The following RIN2 variants were observed in gnomAD, a reference collection of about 807,000 sequenced individuals.
RIN2 encodes RAB5 interacting protein 2.
RIN2 carries 36 observed loss-of-function variants against 78.0 expected under a neutral mutation model. That is an observed-to-expected ratio of 0.46 (90% CI 0.35 to 0.61). RIN2 has a LOEUF of 0.61. RIN2 is among the 20% of genes least tolerant of loss of function. RIN2 has a pLI of 0.00. For missense variants in RIN2, 1,087 were observed against 1,159.7 expected, an observed-to-expected ratio of 0.94 and a Z score of 0.91; for synonymous variants, 466 against 466.8, an observed-to-expected ratio of 1.00 and a Z score of 0.02.
intron 2 of RIN2, among the ~76,000 whole-genome samples, chr20:19,875,697 A>T (rs1165108019): frequency 6.6e-6 from 1 of 152,098 alleles, no homozygotes; most frequent in East Asian, 1.9e-4. Flanking sequence ...GGCCTGCAGG[A>T]TGGAATGAAA....
chr20:19,881,995 G>T, intron 2 of RIN2, among the ~76,000 whole-genome samples: 1 of 152,138 alleles, frequency 6.6e-6, no homozygotes, highest in Non-Finnish European at 1.5e-5. Flanking sequence ...AGAATGAAAT[G>T]GGTGAAGATG....
At chr20:19,869,344 G>C (rs1050616173) in intron 2 of RIN2, among the ~76,000 whole-genome samples, 1 of 152,230 alleles carries the variant, frequency 6.6e-6, no homozygotes, top group African/African-American at 2.4e-5. Context: ...TGGGGAACAA[G>C]ACCCTCACTA....
intron 2 of RIN2, chr20:19,872,166 CTCCTGCTGCCTTGTGAAG>C (rs2037709704): frequency 6.6e-6 from 1 of 152,134 alleles, no homozygotes; most frequent in African/African-American, 2.4e-5. Context: ...ACTCGTCTCT[CTCCTGCTGCCTTGTGAAG>C]AAGGTGCTTG....
chr20:19,815,441 C>T (rs1799676250), intron 2 of RIN2, among the ~76,000 whole-genome samples: 1 of 152,194 alleles, frequency 6.6e-6, no homozygotes, highest in South Asian at 2.1e-4. Context: ...ACCAAGTTCA[C>T]TGAAAGTAAT....
chr20:19,976,509 AG>A (rs752237516), intron 9 of RIN2, among the ~76,000 whole-genome samples: 14 of 152,238 alleles, frequency 9.2e-5, no homozygotes, highest in Admixed American at 2.6e-4. Context: ...TCCAACTTCA[AG>A]GGGAAATTCT....
chr20:19,966,224 T>C (rs1418267430), intron 7 of RIN2, among the ~76,000 whole-genome samples: 1 of 152,194 alleles, frequency 6.6e-6, no homozygotes, highest in Non-Finnish European at 1.5e-5. Flanking sequence ...GGGAGTTTAT[T>C]TGAGTTTGGC....
intron 3 of RIN2, chr20:19,934,461 G>A (rs1044090346): frequency 4.1e-5 from 40 of 984,850 alleles, no homozygotes; most frequent in East Asian, 1.1e-4. Context: ...AGATGGGGCC[G>A]CCTTTTCCCC....
intron 3 of RIN2, among the ~76,000 whole-genome samples, chr20:19,903,652 C>T (rs1485842508): frequency 6.6e-6 from 1 of 152,162 alleles, no homozygotes; most frequent in African/African-American, 2.4e-5. Flanking sequence ...GCCAAACTTC[C>T]TCCAATGACC....
intron 1 of RIN2, among the ~76,000 whole-genome samples, chr20:19,777,584 A>G (rs2122491337): frequency 6.6e-6 from 1 of 152,394 alleles, no homozygotes; most frequent in East Asian, 1.9e-4. Context: ...CGAATTCTTC[A>G]AGTAAACGGG....
intron 3 of RIN2, among the ~76,000 whole-genome samples, chr20:19,924,389 C>CT (rs1272599053): frequency 6.7e-5 from 3 of 44,592 alleles, no homozygotes; most frequent in African/African-American, 9.7e-5. Context: ...CCTTCGTACC[C>CT]CACCTCTTCA....
At chr20:19,979,567 C>T (rs899473077) in intron 9 of RIN2, among the ~76,000 whole-genome samples, 9 of 151,958 alleles carry the variant, frequency 5.9e-5, no homozygotes, top group South Asian at 2.1e-4. Flanking sequence ...AAATGATTCC[C>T]GGGGAGTTAA....
intron 2 of RIN2, among the ~76,000 whole-genome samples, chr20:19,879,426 T>C (rs1200109340): frequency 1.3e-5 from 2 of 152,196 alleles, no homozygotes; most frequent in Non-Finnish European, 2.9e-5. Context: ...GTTTAGAAGG[T>C]GTCATGGTAT....
chr20:19,880,602 A>AGG (rs1215526721), intron 2 of RIN2, among the ~76,000 whole-genome samples: 4 of 151,834 alleles, frequency 2.6e-5, no homozygotes, highest in African/African-American at 9.7e-5. Flanking sequence ...TGCTGGGCTC[A>AGG]AGAGATCCTT....
intron 4 of RIN2, among the ~76,000 whole-genome samples, chr20:19,951,608 A>C (rs2041318309): frequency 6.6e-6 from 1 of 151,946 alleles, no homozygotes; most frequent in South Asian, 2.1e-4. Flanking sequence ...TAAGACTATG[A>C]CTATCCTATT....
chr20:19,997,089 A>G (rs982648140), intron 12 of RIN2, among the ~76,000 whole-genome samples: 1 of 152,126 alleles, frequency 6.6e-6, no homozygotes, highest in Non-Finnish European at 1.5e-5. Context: ...TCTCTGCCCA[A>G]TCAAGCAGAC....
intron 2 of RIN2, among the ~76,000 whole-genome samples, chr20:19,849,571 C>T (rs1287717769): frequency 6.6e-6 from 1 of 152,220 alleles, no homozygotes; most frequent in Non-Finnish European, 1.5e-5. Context: ...GATACAGCTG[C>T]GTTGACACAA....
At chr20:19,821,659 G>GCTCT (rs59384906) in intron 2 of RIN2, among the ~76,000 whole-genome samples, 22 of 149,756 alleles carry the variant, frequency 1.5e-4, no homozygotes, top group African/African-American at 4.4e-4. Flanking sequence ...TCCTCACGCT[G>GCTCT]CTCTCTCTCT....
At chr20:19,978,699 G>A (rs111489790) in intron 9 of RIN2, among the ~76,000 whole-genome samples, 2 of 152,284 alleles carry the variant, frequency 1.3e-5, no homozygotes, top group African/African-American at 4.8e-5. Flanking sequence ...GCACCAGCTT[G>A]GCTCTCCTGG....
At chr20:19,779,889 C>T (rs770578822) in intron 1 of RIN2, among the ~76,000 whole-genome samples, 2 of 152,150 alleles carry the variant, frequency 1.3e-5, no homozygotes, top group Non-Finnish European at 2.9e-5. Context: ...TTTGCCTAAG[C>T]ATAGCAAAAT....
Sources: allele counts gnomAD v4.1 joint callset (sites outside exome capture counted in the v4.1 genomes callset), GRCh38; gene constraint gnomAD v4.1.1; transcripts MANE v1.5; gene names NCBI Gene and HGNC (gene_info 2026-07-23, HGNC 2026-07-21).